Variants in ALCAM observed in about 807,000 individuals in gnomAD.
ALCAM encodes activated leukocyte cell adhesion molecule, also known as CD166 antigen.
ALCAM carries 30 observed loss-of-function variants against 70.9 expected under a neutral mutation model. That is an observed-to-expected ratio of 0.42 (90% CI 0.32 to 0.57). The LOEUF (loss-of-function observed/expected upper bound fraction) is 0.57. ALCAM is among the 20% of genes least tolerant of loss of function. The pLI, the probability that ALCAM is intolerant of heterozygous loss-of-function variation, is 0.11. For synonymous variants in ALCAM, 249 were observed against 242.5 expected (o/e 1.03, Z -0.25); for missense variants, 591 against 695.1 (o/e 0.85, Z 1.68).
intron 1 of ALCAM, among the ~76,000 whole-genome samples, chr3:105,396,390 G>A (rs1036867130): frequency 4.0e-5 from 6 of 151,806 alleles, no homozygotes; most frequent in African/African-American, 1.5e-4. Flanking sequence ...AAGGAAAGAA[G>A]GATCAGACTC....
chr3:105,459,030 C>A (rs1485373807), intron 1 of ALCAM, among the ~76,000 whole-genome samples: 1 of 152,148 alleles, frequency 6.6e-6, no homozygotes, highest in African/African-American at 2.4e-5. Context: ...ATGTGTCATG[C>A]ATTGTGTTGG....
intron 14 of ALCAM, among the ~76,000 whole-genome samples, chr3:105,561,380 T>TTTTTGGCACTCATAGGCACCTCC (rs1333429127): frequency 6.6e-6 from 1 of 152,148 alleles, no homozygotes; most frequent in Non-Finnish European, 1.5e-5. Flanking sequence ...TTTGCTTGCT[T>TTTTTGGCACTCATAGGCACCTCC]TTTTGGCACT....
At chr3:105,379,031 A>G (rs1000742239) in intron 1 of ALCAM, among the ~76,000 whole-genome samples, 1 of 152,108 alleles carries the variant, frequency 6.6e-6, no homozygotes, top group East Asian at 1.9e-4. Flanking sequence ...TTCTTTATAT[A>G]ACAGCTCAAG....
chr3:105,439,577 CTTATA>C (rs1937127260), intron 1 of ALCAM: 1 of 152,008 alleles, frequency 6.6e-6, no homozygotes, highest in Non-Finnish European at 1.5e-5. Flanking sequence ...AAGTAAGTAC[CTTATA>C]TTATGGGAAT....
At chr3:105,378,532 G>C (rs955518776) in intron 1 of ALCAM, among the ~76,000 whole-genome samples, 3 of 141,534 alleles carry the variant, frequency 2.1e-5, no homozygotes, top group Non-Finnish European at 4.6e-5. Flanking sequence ...TTTGATATCA[G>C]ATCTAAGAGT....
chr3:105,408,512 A>AAACTGGATT (rs1366036851), intron 1 of ALCAM, among the ~76,000 whole-genome samples: 2 of 152,164 alleles, frequency 1.3e-5, no homozygotes, highest in Non-Finnish European at 2.9e-5. Context: ...TGGAAGAATG[A>AAACTGGATT]AACTGGATTC....
chr3:105,512,460 AT>A (rs753118083), intron 1 of ALCAM, among the ~76,000 whole-genome samples: 14 of 151,894 alleles, frequency 9.2e-5, no homozygotes, highest in Non-Finnish European at 1.8e-4. Flanking sequence ...GGAAAGTGTA[AT>A]TTTTCTCCAT....
intron 1 of ALCAM, among the ~76,000 whole-genome samples, chr3:105,380,709 C>G (rs766369500): frequency 2.6e-5 from 4 of 151,750 alleles, no homozygotes; most frequent in Non-Finnish European, 5.9e-5. Flanking sequence ...ATTAGACCTC[C>G]TAATTTATTA....
At chr3:105,520,881 C>T (rs538730841) in intron 2 of ALCAM, among the ~76,000 whole-genome samples, 2 of 152,248 alleles carry the variant, frequency 1.3e-5, no homozygotes, top group South Asian at 4.1e-4. Flanking sequence ...CCACAGGAGA[C>T]TCATGACAGT....
Position 105,546,731 on chromosome 3 carries a change from A to G in ALCAM, c.1105-418A>G, listed in dbSNP as rs576179488. 5.7e-4 allele frequency among the ~76,000 whole-genome samples: 87 copies of G among 151,542 alleles called. 1 individual carries two copies. The South Asian group carries it at 0.018, about 31-fold the overall frequency. ...GATCAGTATTCCCTGATTATTGGTTAGTTAATGGGGAGTGGGAAAAAATAT... is the reference window on the plus strand; with the variant it reads ...GATCAGTATTCCCTGATTATTGGTTGGTTAATGGGGAGTGGGAAAAAATAT... On this transcript the variant is annotated intron_variant, in intron 9 of 15. Coordinates refer to ENST00000306107, the MANE Select transcript of ALCAM (RefSeq NM_001627.4).
In ALCAM at chr3:105,575,492, C is replaced by G. The variant is rs1940943792; in HGVS notation, c.*1041C>G. 1 of 152,244 alleles carries G rather than the reference C, an allele frequency of 6.6e-6. No individual in the cohort carries two copies. The highest frequency in any genetic ancestry group is 6.6e-5 in the Admixed American group (1 of 15,222). 9.4% of individuals were successfully genotyped at this position (152,244 alleles called of 1,614,324 possible). On this transcript the variant is annotated 3_prime_UTR_variant, in exon 16 of 16. Transcript: ENST00000306107. ...TTTCGTGTGTGTTTTTGTTAACTAC[C>G]CTACAGATATTGAATGCACCTTGAG...
At chr3:105,559,232 C>A (rs939826361) in intron 14 of ALCAM, among the ~76,000 whole-genome samples, 13 of 146,934 alleles carry the variant, frequency 8.8e-5, no homozygotes, top group Admixed American at 8.2e-4. Context: ...TACATGTATA[C>A]ATGTGTACGT....
chr3:105,526,910 G>A (rs995007517), intron 3 of ALCAM, among the ~76,000 whole-genome samples: 25 of 152,286 alleles, frequency 1.6e-4, no homozygotes, highest in South Asian at 2.1e-4. Context: ...ATCAAGTGTG[G>A]TTAATGGGAG....
intron 1 of ALCAM, among the ~76,000 whole-genome samples, chr3:105,423,686 C>T (rs768183437): frequency 3.3e-5 from 5 of 151,488 alleles, no homozygotes; most frequent in African/African-American, 4.8e-5. Context: ...TTTATACACA[C>T]ACATCTGTCA....
chr3:105,462,287 C>G (rs1050682710), intron 1 of ALCAM, among the ~76,000 whole-genome samples: 5 of 151,370 alleles, frequency 3.3e-5, no homozygotes, highest in South Asian at 2.1e-4. Context: ...GGCTCTTATG[C>G]CCTTTGATAA....
Position 105,552,458 on chromosome 3 carries a change from T to C in ALCAM, c.1547-10T>C. On this transcript the variant is annotated splice_polypyrimidine_tract_variant and intron_variant, in intron 13 of 15. Coordinates refer to ENST00000306107, the MANE Select transcript of ALCAM (RefSeq NM_001627.4). Reference sequence around the variant, plus strand: ...TCTGTAATTGCATGGACTTTTCTTCTTTGTTGCAGATGAAAACAGAGAAAA... The same window carrying C: ...TCTGTAATTGCATGGACTTTTCTTCCTTGTTGCAGATGAAAACAGAGAAAA... The C allele has an allele frequency of 6.2e-7, 1 of 1,610,520 alleles. No homozygotes were observed. The highest frequency in any genetic ancestry group is 8.5e-7 in the Non-Finnish European group (1 of 1,177,240).
chr3:105,411,932 T>C (rs1936399913), intron 1 of ALCAM, among the ~76,000 whole-genome samples: 1 of 151,958 alleles, frequency 6.6e-6, no homozygotes, highest in Non-Finnish European at 1.5e-5. Flanking sequence ...GTATAAGAAA[T>C]GATTTAATCA....
chr3:105,540,622 A>C (rs1940093623), intron 7 of ALCAM, among the ~76,000 whole-genome samples: 1 of 152,016 alleles, frequency 6.6e-6, no homozygotes. Context: ...ATATGCATAG[A>C]GGATACTTTG....
At chr3:105,479,584 C>T (rs1938215009) in intron 1 of ALCAM, among the ~76,000 whole-genome samples, 1 of 152,170 alleles carries the variant, frequency 6.6e-6, no homozygotes, top group African/African-American at 2.4e-5. Context: ...GAGCTTCAGA[C>T]ATGCTTTTAG....
Sources: gnomAD v4.1 joint callset for allele counts (sites outside exome capture counted in the v4.1 genomes callset) on GRCh38, gnomAD v4.1.1 for gene constraint, MANE v1.5 for transcripts, NCBI Gene and HGNC (gene_info 2026-07-23, HGNC 2026-07-21) for gene names.